FGF12: variants seen among roughly 807,000 people sequenced by gnomAD.
The protein encoded by FGF12 is fibroblast growth factor 12, also known as fibroblast growth factor 12B.
Under a neutral mutation model 23.6 loss-of-function variants are expected in FGF12, and 14 were observed. That is an observed-to-expected ratio of 0.59 (90% CI 0.39 to 0.93). FGF12 has a LOEUF of 0.93. Ranked by LOEUF, FGF12 falls within the 40% of genes least tolerant of loss-of-function variation. The probability of loss-of-function intolerance (pLI) is 0.00; values close to 1 mark genes in which losing one functional copy is unlikely to be tolerated. For missense variants in FGF12, 175 were observed against 217.8 expected (o/e 0.80, Z 1.24); for synonymous variants, 62 against 77.3 (o/e 0.80, Z 1.04).
At chr3:192,455,393 T>A (rs1722649765) in intron 2 of FGF12, among the ~76,000 whole-genome samples, 1 of 152,100 alleles carries the variant, frequency 6.6e-6, no homozygotes. Flanking sequence ...TGGACCCAAA[T>A]CTTATGTGGA....
At chr3:192,412,277 A>C (rs1721222364) in intron 2 of FGF12, among the ~76,000 whole-genome samples, 1 of 152,150 alleles carries the variant, frequency 6.6e-6, no homozygotes, top group Non-Finnish European at 1.5e-5. Flanking sequence ...TTTTTTCTGT[A>C]GGTTTATGAG....
At chr3:192,509,512 A>G (rs1724407841) in intron 2 of FGF12, among the ~76,000 whole-genome samples, 1 of 152,220 alleles carries the variant, frequency 6.6e-6, no homozygotes, top group South Asian at 2.1e-4. Context: ...GGGAGCCTCA[A>G]AAGGTAATTT....
At chr3:192,271,142 TC>T (rs1713409654) in intron 4 of FGF12, among the ~76,000 whole-genome samples, 1 of 152,192 alleles carries the variant, frequency 6.6e-6, no homozygotes, top group African/African-American at 2.4e-5. Flanking sequence ...GTATAAGACA[TC>T]CATGCATCAT....
At position 192,169,076 on chromosome 3, in the gene FGF12, C is replaced by T. The variant is rs1328851039; in HGVS notation, c.427+1382G>A. Reference sequence around the variant, plus strand: ...TGAAAATAGGCCAGGCATGGTGGCTCACGCTTGTAATCCCAGCACTTTGGG... The same window carrying T: ...TGAAAATAGGCCAGGCATGGTGGCTTACGCTTGTAATCCCAGCACTTTGGG... On this transcript the variant is annotated intron_variant, in intron 5 of 5. Transcript: ENST00000445105. Among the ~76,000 whole-genome samples the T allele has an allele frequency of 3.3e-5, 5 of 152,250 alleles. No individual in the cohort carries two copies. The East Asian group carries it at 9.7e-4, about 29-fold the overall frequency.
chr3:192,667,739 G>A (rs918531731), intron 2 of FGF12, among the ~76,000 whole-genome samples: 15 of 151,830 alleles, frequency 9.9e-5, no homozygotes, highest in Non-Finnish European at 2.1e-4. Context: ...AGTATCTGCA[G>A]AATGGCAGAA....
rs2108776102 is a variant in FGF12 at position 192,408,162 on chromosome 3, C to G, written c.14-47624G>C. On this transcript the variant is annotated intron_variant, in intron 2 of 5. Coordinates refer to ENST00000445105, the MANE Select transcript of FGF12 (RefSeq NM_004113.6). This position sits in a 1 kb window ranked among gnomAD's most constrained non-coding sequence, Gnocchi z 7.3. ...GCGCTTGGAGGCCGACACTCGGTCG[C>G]TGTTGGACTCCCTCGCCTGCCGCTT... 15 of 1,610,812 alleles carry G rather than the reference C, an allele frequency of 9.3e-6. No individual in the cohort carries two copies. The highest frequency in any genetic ancestry group is 1.3e-5 in the Non-Finnish European group (15 of 1,179,878).
intron 2 of FGF12, among the ~76,000 whole-genome samples, chr3:192,626,537 A>G (rs1347783539): frequency 1.3e-5 from 2 of 152,198 alleles, no homozygotes; most frequent in Non-Finnish European, 2.9e-5. Context: ...TATAAATTAA[A>G]TATCGACAGG....
intron 2 of FGF12, among the ~76,000 whole-genome samples, chr3:192,686,148 G>C (rs1215571825): frequency 1.3e-5 from 2 of 152,162 alleles, no homozygotes; most frequent in Non-Finnish European, 2.9e-5. Flanking sequence ...GAAGTCAGTA[G>C]AGAGGATGAA....
intron 2 of FGF12, among the ~76,000 whole-genome samples, chr3:192,436,225 A>C (rs968598176): frequency 6.6e-6 from 1 of 152,216 alleles, no homozygotes; most frequent in African/African-American, 2.4e-5. Flanking sequence ...TCCTGGGCCA[A>C]AAATTAGATA....
intron 5 of FGF12, among the ~76,000 whole-genome samples, chr3:192,145,271 T>G (rs1409229357): frequency 6.6e-6 from 1 of 152,272 alleles, no homozygotes; most frequent in Non-Finnish European, 1.5e-5. Flanking sequence ...GATTTCTTTG[T>G]GAGCATTTTG....
In FGF12 at chr3:192,142,418, T is replaced by C. The variant is rs900897514; in HGVS notation, c.*1591A>G. The C allele has an allele frequency of 1.3e-5, 2 of 152,518 alleles. No individual in the cohort carries two copies. Among genetic ancestry groups the C allele is most frequent in the Non-Finnish European group, 2.9e-5 (2 of 67,948 alleles). 9.4% of individuals were successfully genotyped at this position (152,518 alleles called of 1,614,324 possible). ...CAATACATGCTGGACAGTAGAGATATAGGAGAAGTTACATGCTATGTCTTC... is the reference window on the plus strand; with the variant it reads ...CAATACATGCTGGACAGTAGAGATACAGGAGAAGTTACATGCTATGTCTTC... On this transcript the variant is annotated 3_prime_UTR_variant, in exon 6 of 6. Coordinates refer to ENST00000445105, the MANE Select transcript of FGF12 (RefSeq NM_004113.6).
intron 2 of FGF12, among the ~76,000 whole-genome samples, chr3:192,686,815 ATTTTTTTT>A (rs57045697): frequency 2.1e-4 from 13 of 61,478 alleles, no homozygotes; most frequent in East Asian, 5.9e-4. Context: ...TTTTTCTCTA[ATTTTTTTT>A]TTTTTTTTTT....
intron 3 of FGF12, among the ~76,000 whole-genome samples, chr3:192,343,983 C>T (rs1019749066): frequency 6.6e-6 from 1 of 150,876 alleles, no homozygotes; most frequent in African/African-American, 2.4e-5. Context: ...GTCTTGGTGA[C>T]TCCAAGTAAT....
At chr3:192,596,649 T>C (rs980654863) in intron 2 of FGF12, among the ~76,000 whole-genome samples, 2 of 152,106 alleles carry the variant, frequency 1.3e-5, no homozygotes, top group African/African-American at 4.8e-5. Context: ...TGACACACAA[T>C]GAAAACTAGA....
chr3:192,563,033 C>T (rs1472547436), intron 2 of FGF12, among the ~76,000 whole-genome samples: 3 of 152,182 alleles, frequency 2.0e-5, no homozygotes, highest in Non-Finnish European at 2.9e-5. Flanking sequence ...CACAGAAAGA[C>T]TCCAAGGATC....
At chr3:192,401,547 A>G (rs1263473807) in intron 2 of FGF12, among the ~76,000 whole-genome samples, 5 of 152,238 alleles carry the variant, frequency 3.3e-5, no homozygotes, top group Admixed American at 3.3e-4. Context: ...CTGCTGGTCC[A>G]GACTGATGCC....
At chr3:192,695,270 T>C (rs1718079038) in intron 2 of FGF12, among the ~76,000 whole-genome samples, 1 of 152,208 alleles carries the variant, frequency 6.6e-6, no homozygotes, top group African/African-American at 2.4e-5. Flanking sequence ...ATTGTTCCTT[T>C]CACCTTGCCC....
chr3:192,557,617 G>T (rs545108737), intron 2 of FGF12, among the ~76,000 whole-genome samples: 7 of 151,916 alleles, frequency 4.6e-5, no homozygotes, highest in Admixed American at 3.9e-4. Context: ...CCAAAAGAAA[G>T]AAAATTATAG....
rs143874121 is a variant in FGF12 at position 192,701,048 on chromosome 3, G to C, written c.13+26133C>G. ...GAGATAATTCACTAAGAGGAGTCTG[G>C]CACCTTTTTAAGTCTGATAAAAGCT... On this transcript the variant is annotated intron_variant, in intron 2 of 5. Transcript: ENST00000445105. Among the ~76,000 whole-genome samples the C allele has an allele frequency of 7.2e-4, 109 of 152,206 alleles. 2 individuals carry two copies. Among genetic ancestry groups the C allele is most frequent in the African/African-American group, 2.4e-3 (99 of 41,518 alleles).
Sources: gnomAD v4.1 joint callset for allele counts (sites outside exome capture counted in the v4.1 genomes callset) on GRCh38, gnomAD v4.1.1 for gene constraint, Gnocchi (gnomAD v3.1) non-coding constraint, MANE v1.5 for transcripts, NCBI Gene and HGNC (gene_info 2026-07-23, HGNC 2026-07-21) for gene names.